Variants in SLC7A11 observed in about 807,000 individuals in gnomAD.
The protein encoded by SLC7A11 is cystine/glutamate transporter.
SLC7A11 carries 35 observed loss-of-function variants against 54.5 expected under a neutral mutation model. The ratio of observed to expected loss-of-function variants is 0.64; its 90% CI spans 0.49 to 0.85. SLC7A11 has a LOEUF of 0.85. Among genes scored for constraint, SLC7A11 ranks in the 40% least tolerant of loss-of-function variants. The pLI is 0.00. For missense variants in SLC7A11, 583 were observed against 618.1 expected (o/e 0.94, Z 0.60); for synonymous variants, 230 against 225.2 (o/e 1.02, Z -0.19).
intron 6 of SLC7A11, among the ~76,000 whole-genome samples, chr4:138,199,729 A>G (rs968710304): frequency 2.0e-5 from 3 of 152,130 alleles, no homozygotes; most frequent in Non-Finnish European, 2.9e-5. Context: ...ACAGACTTGC[A>G]TCATAAACTC....
intron 1 of SLC7A11, among the ~76,000 whole-genome samples, chr4:138,240,966 G>A (rs1738361431): frequency 6.6e-6 from 1 of 152,092 alleles, no homozygotes; most frequent in South Asian, 2.1e-4. Flanking sequence ...AAACTTTGAA[G>A]AAAAATTCAT....
At chr4:138,222,829 T>C (rs1737847538) in intron 4 of SLC7A11, among the ~76,000 whole-genome samples, 1 of 152,016 alleles carries the variant, frequency 6.6e-6, no homozygotes, top group Non-Finnish European at 1.5e-5. Context: ...CCTTTTTCTC[T>C]TTAATTTTTA....
intron 4 of SLC7A11, among the ~76,000 whole-genome samples, chr4:138,221,782 A>G (rs924082927): frequency 1.3e-5 from 2 of 152,234 alleles, no homozygotes; most frequent in Admixed American, 6.5e-5. Flanking sequence ...TGCTACCTAT[A>G]GTATCTTACA....
intron 5 of SLC7A11, among the ~76,000 whole-genome samples, chr4:138,217,963 T>C (rs1482445556): frequency 6.6e-6 from 1 of 152,210 alleles, no homozygotes; most frequent in Non-Finnish European, 1.5e-5. Context: ...TGCTTACATA[T>C]AATGGTTATA....
At chr4:138,183,513 T>G (rs772786256) in intron 7 of SLC7A11, among the ~76,000 whole-genome samples, 9 of 152,106 alleles carry the variant, frequency 5.9e-5, no homozygotes, top group Non-Finnish European at 1.3e-4. Context: ...AAAACTATAG[T>G]CAAAGATCTA....
chr4:138,225,007 T>C (rs901762238), intron 3 of SLC7A11, among the ~76,000 whole-genome samples: 4 of 151,228 alleles, frequency 2.6e-5, no homozygotes, highest in Admixed American at 2.0e-4. Flanking sequence ...TTGGTGGCTA[T>C]AGTTTCAAAT....
In SLC7A11 at chr4:138,232,393, A is replaced by G. The variant is rs778005881; in HGVS notation, c.405-11T>C. ...GCAGTAGCTGCAGGGCTAAAAAAAA[A>G]TGTATATATTTAGGTTAACCACAGG... On this transcript the variant is annotated splice_polypyrimidine_tract_variant and intron_variant, in intron 2 of 11. Transcript: ENST00000280612. 2.0e-5 allele frequency: 30 copies of G among 1,486,436 alleles called. 1 individual carries two copies. Among genetic ancestry groups the G allele is most frequent in the Non-Finnish European group, 2.6e-5 (28 of 1,066,776 alleles). The allele number at this position is 1,486,436 out of a possible 1,614,324, so 92.1% of individuals were successfully genotyped here.
At chr4:138,236,091 G>A (rs1738199350) in intron 2 of SLC7A11, among the ~76,000 whole-genome samples, 1 of 152,138 alleles carries the variant, frequency 6.6e-6, no homozygotes, top group South Asian at 2.1e-4. Context: ...GTCAAAGAAA[G>A]GTAGATATTT....
chr4:138,233,299 C>T (rs559871463), intron 2 of SLC7A11, among the ~76,000 whole-genome samples: 71 of 152,130 alleles, frequency 4.7e-4, no homozygotes, highest in African/African-American at 1.7e-3. Flanking sequence ...ATTCTCCTGC[C>T]TCAGCCTCCT....
At chr4:138,221,191 C>T (rs1370310650) in intron 4 of SLC7A11, among the ~76,000 whole-genome samples, 1 of 152,058 alleles carries the variant, frequency 6.6e-6, no homozygotes, top group Non-Finnish European at 1.5e-5. Context: ...CAAAGATCTT[C>T]AAAAGTGCCA....
At chr4:138,220,858 TATATAA>T (rs1349923798) in intron 4 of SLC7A11, among the ~76,000 whole-genome samples, 1 of 152,224 alleles carries the variant, frequency 6.6e-6, no homozygotes, top group African/African-American at 2.4e-5. Flanking sequence ...GCATAACTTA[TATATAA>T]ATATAATATG....
rs367827409 is a variant in SLC7A11, at chr4:138,185,254, A to G, written c.792-10T>C. On this transcript the variant is annotated splice_polypyrimidine_tract_variant and intron_variant, in intron 6 of 11. Coordinates refer to ENST00000280612, the MANE Select transcript of SLC7A11 (RefSeq NM_014331.4). ...TGCAAGGGGAATGGTTCTGAAATGCACAAAGGAATCACTTATTCATTATCT... is the reference window on the plus strand; with the variant it reads ...TGCAAGGGGAATGGTTCTGAAATGCGCAAAGGAATCACTTATTCATTATCT... The G allele has an allele frequency of 3.7e-6, 6 of 1,612,110 alleles. No homozygotes were observed. Among genetic ancestry groups the G allele is most frequent in the Non-Finnish European group, 5.1e-6 (6 of 1,178,554 alleles).
chr4:138,226,312 T>C (rs894661749), intron 3 of SLC7A11, among the ~76,000 whole-genome samples: 1 of 152,178 alleles, frequency 6.6e-6, no homozygotes. Flanking sequence ...TTGATTGTGG[T>C]GATAGTTTCA....
At position 138,171,852 on chromosome 4, in the gene SLC7A11, T is replaced by A; in HGVS notation, c.*104A>T. The A allele has an allele frequency of 7.0e-7, 1 of 1,428,650 alleles. No individual in the cohort carries two copies. The highest frequency in any genetic ancestry group is 9.4e-7 in the Non-Finnish European group (1 of 1,068,768). The allele number at this position is 1,428,650 out of a possible 1,614,324, so 88.5% of individuals were successfully genotyped here. A position where few individuals can be genotyped will look rare whatever the true frequency, so the allele number is the denominator to read the frequency against. ...GAATAAAAATAACTGACTCCTTTTG[T>A]TTATCACCAAAGTTGTAATTCTCTA... is the stretch of plus-strand genomic sequence containing the variant. On this transcript the variant is annotated 3_prime_UTR_variant, in exon 12 of 12. Transcript: ENST00000280612.
chr4:138,202,475 C>G (rs893628158), intron 6 of SLC7A11, among the ~76,000 whole-genome samples: 2 of 152,160 alleles, frequency 1.3e-5, no homozygotes, highest in South Asian at 4.1e-4. Flanking sequence ...TTGGTCCTGC[C>G]TAATCTCCTA....
chr4:138,199,778 T>C (rs1490624127), intron 6 of SLC7A11, among the ~76,000 whole-genome samples: 1 of 152,092 alleles, frequency 6.6e-6, no homozygotes, highest in Admixed American at 6.6e-5. Context: ...AACTGAAGAT[T>C]TCTCCCTTGC....
At position 138,179,158 on chromosome 4, in the gene SLC7A11, C is replaced by T. The variant is rs1003355170; in HGVS notation, c.1444+59G>A. The stretch of plus-strand genomic sequence containing the variant: ...ATGTTAAGTATATTATGTATGCACA[C>T]CTTTATGGGTTTTCTACATGGTGTT... On this transcript the variant is annotated intron_variant, in intron 11 of 11. Transcript: ENST00000280612. The T allele has an allele frequency of 1.3e-5, 16 of 1,189,266 alleles. No homozygotes were observed. In the African/African-American group the frequency reaches 2.4e-4, roughly 18 times the overall value. 73.7% of individuals were successfully genotyped at this position (1,189,266 alleles called of 1,614,324 possible).
At chr4:138,235,122 G>A (rs1738174753) in intron 2 of SLC7A11, among the ~76,000 whole-genome samples, 1 of 152,056 alleles carries the variant, frequency 6.6e-6, no homozygotes, top group Non-Finnish European at 1.5e-5. Context: ...TGCCAAATGT[G>A]AAGCAGAGAT....
At chr4:138,222,404 C>T (rs2148445359) in intron 4 of SLC7A11, among the ~76,000 whole-genome samples, 1 of 152,298 alleles carries the variant, frequency 6.6e-6, no homozygotes, top group East Asian at 1.9e-4. Context: ...CTTAACATGC[C>T]CAAGTTATGT....
Sources: gnomAD v4.1 joint callset for allele counts (sites outside exome capture counted in the v4.1 genomes callset) on GRCh38, gnomAD v4.1.1 for gene constraint, MANE v1.5 for transcripts, NCBI Gene and HGNC (gene_info 2026-07-23, HGNC 2026-07-21) for gene names.